Variants in TMEM108 observed in about 807,000 individuals in gnomAD.
TMEM108 encodes transmembrane protein 108, also known as cancer/testis antigen 124.
TMEM108 carries 12 observed loss-of-function variants against 35.1 expected under a neutral mutation model. The ratio of observed to expected loss-of-function variants is 0.34; its 90% CI spans 0.22 to 0.55. The LOEUF is 0.55. Among genes scored for constraint, TMEM108 ranks in the 20% least tolerant of loss-of-function variants. TMEM108 has a pLI of 0.89. For missense variants in TMEM108, 680 were observed against 753.3 expected, an observed-to-expected ratio of 0.90 and a Z score of 1.14; for synonymous variants, 287 against 308.6, an observed-to-expected ratio of 0.93 and a Z score of 0.73.
intron 2 of TMEM108, among the ~76,000 whole-genome samples, chr3:133,061,473 A>G (rs1252005020): frequency 6.6e-6 from 1 of 152,070 alleles, no homozygotes; most frequent in Admixed American, 6.5e-5. Flanking sequence ...TCGGCCTCCC[A>G]AAGTGCTGGG....
chr3:133,214,095 G>A (rs548215907), intron 2 of TMEM108, among the ~76,000 whole-genome samples: 5 of 152,252 alleles, frequency 3.3e-5, no homozygotes, highest in Non-Finnish European at 5.9e-5. Context: ...GCTACTGGGC[G>A]ATAGTTGCTA....
chr3:133,038,718 C>T (rs1173833451), intron 1 of TMEM108, among the ~76,000 whole-genome samples: 1 of 152,322 alleles, frequency 6.6e-6, no homozygotes, highest in East Asian at 1.9e-4. Context: ...TGGCATGAAC[C>T]CCCTCCCCAG....
At chr3:133,042,625 C>T (rs1943288640) in intron 1 of TMEM108, among the ~76,000 whole-genome samples, 1 of 152,176 alleles carries the variant, frequency 6.6e-6, no homozygotes, top group African/African-American at 2.4e-5. Flanking sequence ...GCTAATGTTT[C>T]CTCCCAGAAA....
chr3:133,103,383 G>A (rs759628798), intron 2 of TMEM108, among the ~76,000 whole-genome samples: 1 of 152,076 alleles, frequency 6.6e-6, no homozygotes, highest in African/African-American at 2.4e-5. Context: ...AGCTAAATGA[G>A]GAGAACACAT....
At chr3:133,168,260 A>G (rs190834201) in intron 2 of TMEM108, among the ~76,000 whole-genome samples, 7 of 152,338 alleles carry the variant, frequency 4.6e-5, no homozygotes, top group Non-Finnish European at 1.0e-4. Context: ...ACACTGTAAC[A>G]GAATACCACA....
chr3:133,250,096 T>G (rs1340857886), intron 3 of TMEM108, among the ~76,000 whole-genome samples: 1 of 152,072 alleles, frequency 6.6e-6, no homozygotes. Flanking sequence ...GTCAGTAGAG[T>G]AACATCAAAT....
intron 2 of TMEM108, among the ~76,000 whole-genome samples, chr3:133,214,331 A>G (rs1408695651): frequency 6.6e-6 from 1 of 152,112 alleles, no homozygotes; most frequent in South Asian, 2.1e-4. Context: ...AAGCAGGCAT[A>G]TGCTCCTTTC....
intron 3 of TMEM108, among the ~76,000 whole-genome samples, chr3:133,267,632 G>A (rs1327972075): frequency 6.6e-6 from 1 of 152,180 alleles, no homozygotes; most frequent in Non-Finnish European, 1.5e-5. Flanking sequence ...GGCTTAACTG[G>A]AGATTCTAAT....
At chr3:133,135,907 A>G (rs2107749852) in intron 2 of TMEM108, among the ~76,000 whole-genome samples, 1 of 152,218 alleles carries the variant, frequency 6.6e-6, no homozygotes, top group South Asian at 2.1e-4. Flanking sequence ...GTAGCATAAA[A>G]CGTTTTATGT....
At position 133,380,948 on chromosome 3, in the gene TMEM108, C is replaced by T. The variant is rs746858411; in HGVS notation, c.1237C>T (p.Arg413Trp). The change falls in exon 4 of 6, where the codon CGG becomes TGG. Residue 413 changes from arginine to tryptophan, a missense_variant. Coordinates refer to ENST00000321871, the MANE Select transcript of TMEM108 (RefSeq NM_023943.4). This position sits in a 1 kb window ranked among gnomAD's most constrained non-coding sequence, Gnocchi z 5.3. Reference sequence around the variant, plus strand: ...TGTGGCCACCCTCACCATGACCGACCGGGTGCCCAGTCCTCTCTCCACAGT... The same window carrying T: ...TGTGGCCACCCTCACCATGACCGACTGGGTGCCCAGTCCTCTCTCCACAGT... Reference protein sequence around the residue: ...ETVATLTMTDRVPSPLSTVVS... With the variant: ...ETVATLTMTDWVPSPLSTVVS... 7.9e-5 allele frequency: 127 copies of T among 1,614,054 alleles called. No individual in the cohort carries two copies. The highest frequency in any genetic ancestry group is 9.0e-5 in the Non-Finnish European group (106 of 1,180,038).
Position 133,182,460 on chromosome 3 carries a change from A to C in TMEM108, c.-46-46806A>C, listed in dbSNP as rs570442677. On this transcript the variant is annotated intron_variant, in intron 2 of 5. Transcript: ENST00000321871. ...CACTGGGTGCACCTAAGCATTAGCA[A>C]AACATGAGAAGGGAATCCTGGGAAT... Among the ~76,000 whole-genome samples, 8 of 152,328 alleles carry C rather than the reference A, an allele frequency of 5.3e-5. 1 individual carries two copies. The highest frequency in any genetic ancestry group is 1.9e-4 in the African/African-American group (8 of 41,582).
chr3:133,123,594 A>G (rs187634973), intron 2 of TMEM108, among the ~76,000 whole-genome samples: 4 of 152,236 alleles, frequency 2.6e-5, no homozygotes, highest in Admixed American at 1.3e-4. Flanking sequence ...CATTTAAGCA[A>G]ATGCTTACTG....
intron 2 of TMEM108, among the ~76,000 whole-genome samples, chr3:133,052,596 A>C (rs2107675976): frequency 6.7e-6 from 1 of 149,214 alleles, no homozygotes; most frequent in South Asian, 2.1e-4. Flanking sequence ...TCCTGATCTC[A>C]ATAGGAAAAC....
chr3:133,359,822 G>T (rs1198819004), intron 3 of TMEM108, among the ~76,000 whole-genome samples: 3 of 152,112 alleles, frequency 2.0e-5, no homozygotes, highest in Non-Finnish European at 4.4e-5. Context: ...GTGTCCCAGA[G>T]TTCCATCTCT....
chr3:133,309,182 G>A (rs1418338141), intron 3 of TMEM108, among the ~76,000 whole-genome samples: 1 of 152,150 alleles, frequency 6.6e-6, no homozygotes, highest in African/African-American at 2.4e-5. Flanking sequence ...ATGGTAGTTT[G>A]TATTTCTGTG....
intron 2 of TMEM108, among the ~76,000 whole-genome samples, chr3:133,166,826 G>A (rs1265525026): frequency 1.3e-5 from 2 of 152,206 alleles, no homozygotes; most frequent in African/African-American, 2.4e-5. Flanking sequence ...CACCTGAGTG[G>A]GTTGCTGCTG....
intron 3 of TMEM108, among the ~76,000 whole-genome samples, chr3:133,244,376 A>AC (rs987821332): frequency 1.2e-4 from 19 of 152,058 alleles, no homozygotes; most frequent in Admixed American, 2.6e-4. Context: ...AATACAACTT[A>AC]CTGCATCTTC....
chr3:133,078,171 G>T (rs555399039), intron 2 of TMEM108, among the ~76,000 whole-genome samples: 3 of 42,086 alleles, frequency 7.1e-5, no homozygotes, highest in Admixed American at 2.3e-4. Context: ...ACGCGCGCGC[G>T]CGCACACGTG....
chr3:133,298,315 G>A (rs73221182), intron 3 of TMEM108, among the ~76,000 whole-genome samples: 6,678 of 152,198 alleles, frequency 0.044, 191 homozygotes, highest in Non-Finnish European at 0.064. Context: ...GTTTCTTCCA[G>A]CGCCTTCCTC....
Sources: gnomAD v4.1 joint callset for allele counts (sites outside exome capture counted in the v4.1 genomes callset) on GRCh38, gnomAD v4.1.1 for gene constraint, Gnocchi (gnomAD v3.1) non-coding constraint, MANE v1.5 for transcripts, NCBI Gene and HGNC (gene_info 2026-07-23, HGNC 2026-07-21) for gene names.